ARHGAP42: variants seen among roughly 807,000 people sequenced by gnomAD.
ARHGAP42 encodes the protein Rho GTPase activating protein 42.
Under a neutral mutation model 125.0 loss-of-function variants are expected in ARHGAP42, and 63 were observed. The observed-to-expected ratio is 0.50, with a 90% confidence interval of 0.41 to 0.62. The LOEUF (loss-of-function observed/expected upper bound fraction) is 0.62, where lower values mean the gene tolerates loss of function less well. Among genes scored for constraint, ARHGAP42 ranks in the 20% least tolerant of loss-of-function variants. The pLI is 0.00. For synonymous variants in ARHGAP42, 339 were observed against 351.0 expected (o/e 0.97, Z 0.38); for missense variants, 766 against 1,024.2 (o/e 0.75, Z 3.44).
Position 100,741,198 on chromosome 11 carries a change from T to G in ARHGAP42, c.155-29145T>G, listed in dbSNP as rs181241572. Among the ~76,000 whole-genome samples, 1,480 of 152,136 alleles carry G rather than the reference T, an allele frequency of 9.7e-3. 14 individuals carry two copies. The highest frequency in any genetic ancestry group is 0.014 in the Non-Finnish European group (919 of 68,002). ...GGCACCTGCCACCACGCCTGGCTAA[T>G]TTTTGTATTTTTAGTACAGACGGGG... On this transcript the variant is annotated intron_variant, in intron 1 of 23. Coordinates refer to ENST00000298815, the MANE Select transcript of ARHGAP42 (RefSeq NM_152432.4).
At chr11:100,814,206 T>A (rs548003098) in intron 3 of ARHGAP42, among the ~76,000 whole-genome samples, 7 of 145,452 alleles carry the variant, frequency 4.8e-5, no homozygotes, top group East Asian at 4.1e-4. Flanking sequence ...AAAAAAAAAA[T>A]ATTAGCTGGG....
intron 5 of ARHGAP42, among the ~76,000 whole-genome samples, chr11:100,916,843 A>C (rs760510539): frequency 6.6e-6 from 1 of 152,190 alleles, no homozygotes. Context: ...CACAAAGAAT[A>C]ATTGGGGTAA....
intron 2 of ARHGAP42, among the ~76,000 whole-genome samples, chr11:100,780,167 A>G (rs1336317117): frequency 6.6e-6 from 1 of 152,124 alleles, no homozygotes; most frequent in Non-Finnish European, 1.5e-5. Context: ...TGTGCTTGTG[A>G]AAAAGGTGGT....
intron 23 of ARHGAP42, among the ~76,000 whole-genome samples, 198 bp downstream of exon 23, chr11:100,987,790 G>A (rs968045913): frequency 6.8e-6 from 1 of 148,086 alleles, no homozygotes; most frequent in Non-Finnish European, 1.5e-5. Context: ...AGGAGGGTAA[G>A]CCCAGCCCAA....
chr11:100,788,553 C>T (rs745852548), intron 2 of ARHGAP42, among the ~76,000 whole-genome samples: 7 of 152,052 alleles, frequency 4.6e-5, no homozygotes, highest in Non-Finnish European at 7.3e-5. Context: ...AGTGAGCATC[C>T]GTGGAGCTTG....
At chr11:100,984,803 G>C (rs1161573481) in intron 22 of ARHGAP42, among the ~76,000 whole-genome samples, 1 of 152,078 alleles carries the variant, frequency 6.6e-6, no homozygotes, top group Admixed American at 6.6e-5. Context: ...TCTGAAGAGA[G>C]ATACAATAGG....
chr11:100,903,117 G>GCGCGCACACACACACACACA (rs373508179), intron 4 of ARHGAP42, among the ~76,000 whole-genome samples: 48 of 132,034 alleles, frequency 3.6e-4, no homozygotes, highest in South Asian at 2.4e-3. Context: ...TCCAAGATGC[G>GCGCGCACACACACACACACA]CACACACACA....
chr11:100,809,571 C>T (rs754703373), intron 3 of ARHGAP42, among the ~76,000 whole-genome samples: 3 of 152,192 alleles, frequency 2.0e-5, no homozygotes, highest in Non-Finnish European at 4.4e-5. Flanking sequence ...GAAACATTTA[C>T]TTAAAAATTA....
chr11:100,827,672 C>T (rs961624061), intron 3 of ARHGAP42, among the ~76,000 whole-genome samples: 4 of 152,168 alleles, frequency 2.6e-5, no homozygotes, highest in Non-Finnish European at 5.9e-5. Context: ...AGGCACTGCC[C>T]ACATTGGCAA....
At chr11:100,875,105 CTCTGTGTGTGTGTGTGTG>C (rs1208281769) in intron 4 of ARHGAP42, among the ~76,000 whole-genome samples, 4 of 49,236 alleles carry the variant, frequency 8.1e-5, no homozygotes, top group African/African-American at 2.2e-4. Context: ...CTCTCTCTCT[CTCTGTGTGTGTGTGTGTG>C]TGTGTGTGTG....
At chr11:100,710,538 G>T (rs1175305604) in intron 1 of ARHGAP42, among the ~76,000 whole-genome samples, 9 of 107,238 alleles carry the variant, frequency 8.4e-5, no homozygotes, top group South Asian at 6.7e-4. Flanking sequence ...CCGGCCAGCA[G>T]TTTTTTTTTT....
intron 1 of ARHGAP42, among the ~76,000 whole-genome samples, chr11:100,747,707 C>T (rs1489178590): frequency 6.6e-6 from 1 of 152,078 alleles, no homozygotes; most frequent in Non-Finnish European, 1.5e-5. Flanking sequence ...TCCCGTTTAC[C>T]AAAAGTGTAT....
At chr11:100,692,027 G>A (rs1337507401) in intron 1 of ARHGAP42, among the ~76,000 whole-genome samples, 1 of 151,962 alleles carries the variant, frequency 6.6e-6, no homozygotes, top group African/African-American at 2.4e-5. Context: ...TAAATAGCAA[G>A]AGTTATACTC....
intron 4 of ARHGAP42, among the ~76,000 whole-genome samples, chr11:100,909,594 A>G (rs1348653476): frequency 6.6e-6 from 1 of 152,068 alleles, no homozygotes; most frequent in East Asian, 1.9e-4. Flanking sequence ...TCCATCTCCC[A>G]AAGTGCTGGG....
At chr11:100,721,212 T>C (rs1215707603) in intron 1 of ARHGAP42, among the ~76,000 whole-genome samples, 1 of 152,196 alleles carries the variant, frequency 6.6e-6, no homozygotes, top group East Asian at 1.9e-4. Context: ...TGCAGTCCCA[T>C]GTAGAATAGT....
intron 1 of ARHGAP42, among the ~76,000 whole-genome samples, chr11:100,764,500 T>C (rs1383108734): frequency 1.3e-5 from 2 of 152,244 alleles, no homozygotes; most frequent in African/African-American, 2.4e-5. Flanking sequence ...AAGATTTAAG[T>C]ATGTAAGAAC....
At chr11:100,775,901 T>C (rs1375077829) in intron 2 of ARHGAP42, among the ~76,000 whole-genome samples, 2 of 152,188 alleles carry the variant, frequency 1.3e-5, no homozygotes, top group Non-Finnish European at 2.9e-5. Flanking sequence ...GGCTCACGCT[T>C]GTAATCCCAG....
At chr11:100,904,082 A>G (rs1043598406) in intron 4 of ARHGAP42, among the ~76,000 whole-genome samples, 2 of 151,976 alleles carry the variant, frequency 1.3e-5, no homozygotes, top group Non-Finnish European at 2.9e-5. Flanking sequence ...ACACAGACAG[A>G]CCCAGGATTA....
rs534983694 is a variant in ARHGAP42, at chr11:100,930,340, T to G, written c.598-2816T>G. ...AGAGGATGAAATGAACAAGTATATG[T>G]TCAAACCGATAAAAACGTTTAACTT... On this transcript the variant is annotated intron_variant, in intron 6 of 23. Coordinates refer to ENST00000298815, the MANE Select transcript of ARHGAP42 (RefSeq NM_152432.4). 1.1e-4 allele frequency among the ~76,000 whole-genome samples: 17 copies of G among 152,330 alleles called. No homozygotes were observed. In the East Asian group the frequency reaches 1.9e-3, roughly 17 times the overall value.
Sources: gnomAD v4.1 joint callset for allele counts (sites outside exome capture counted in the v4.1 genomes callset) on GRCh38, gnomAD v4.1.1 for gene constraint, MANE v1.5 for transcripts, NCBI Gene and HGNC (gene_info 2026-07-23, HGNC 2026-07-21) for gene names.